Variants in CBFB observed in about 807,000 individuals in gnomAD.
The protein encoded by CBFB is core-binding factor subunit beta, also known as CBF-beta.
In CBFB, 9 loss-of-function variants were observed where a neutral mutation model predicts 30.4. The ratio of observed to expected loss-of-function variants is 0.30; its 90% CI spans 0.18 to 0.52. The LOEUF is 0.52. Among genes scored for constraint, CBFB ranks in the 20% least tolerant of loss-of-function variants. The pLI is 0.97. For missense variants in CBFB, 170 were observed against 244.0 expected (o/e 0.70, Z 2.02); for synonymous variants, 94 against 84.0 (o/e 1.12, Z -0.65).
intron 3 of CBFB, among the ~76,000 whole-genome samples, chr16:67,051,003 T>G (rs1278545252): frequency 6.6e-6 from 1 of 152,160 alleles, no homozygotes; most frequent in Non-Finnish European, 1.5e-5. Flanking sequence ...ATTTAAAACT[T>G]ATGAATTGTT....
chr16:67,096,783 G>A (rs979804346), intron 5 of CBFB, among the ~76,000 whole-genome samples: 3 of 151,356 alleles, frequency 2.0e-5, no homozygotes, highest in Non-Finnish European at 4.4e-5. Flanking sequence ...GACCATCCTG[G>A]CTAACACAAA....
chr16:67,096,520 G>T (rs1260683294), intron 5 of CBFB, among the ~76,000 whole-genome samples: 3 of 151,830 alleles, frequency 2.0e-5, no homozygotes, highest in South Asian at 2.1e-4. Flanking sequence ...ACCATAAGGG[G>T]TTTAAATAGG....
At chr16:67,043,470 T>C (rs527566083) in intron 3 of CBFB, among the ~76,000 whole-genome samples, 4 of 152,336 alleles carry the variant, frequency 2.6e-5, no homozygotes, top group African/African-American at 9.6e-5. Flanking sequence ...GTATATACCT[T>C]ACATATGACC....
At position 67,045,042 on chromosome 16, in the gene CBFB, A is replaced by G. The variant is rs558733420; in HGVS notation, c.282+8287A>G. 2.6e-5 allele frequency among the ~76,000 whole-genome samples: 4 copies of G among 152,326 alleles called. No individual in the cohort carries two copies. The South Asian group carries it at 8.3e-4, about 32-fold the overall frequency. ...TTTAAAAATATGCTTTAGATAAACT[A>G]TAATACTCTAATAATAACGGAATCA... On this transcript the variant is annotated intron_variant, in intron 3 of 5. Transcript: ENST00000412916.
intron 2 of CBFB, among the ~76,000 whole-genome samples, chr16:67,036,117 C>T (rs1038047357): frequency 6.6e-6 from 1 of 152,202 alleles, no homozygotes; most frequent in Non-Finnish European, 1.5e-5. Context: ...AGTACTGTCA[C>T]ATCCCATGCC....
At chr16:67,051,749 T>G (rs1017819377) in intron 3 of CBFB, among the ~76,000 whole-genome samples, 15 of 150,068 alleles carry the variant, frequency 1.0e-4, no homozygotes, top group African/African-American at 2.8e-4. Flanking sequence ...GGTGTTTTTT[T>G]TGTGTTTTTT....
At chr16:67,039,383 G>A (rs1042131937) in intron 3 of CBFB, among the ~76,000 whole-genome samples, 2 of 152,194 alleles carry the variant, frequency 1.3e-5, no homozygotes, top group African/African-American at 4.8e-5. Flanking sequence ...AGGACTGGAA[G>A]TTGCTCTGGG....
At chr16:67,047,423 C>T (rs1283940589) in intron 3 of CBFB, among the ~76,000 whole-genome samples, 1 of 152,176 alleles carries the variant, frequency 6.6e-6, no homozygotes, top group Non-Finnish European at 1.5e-5. Context: ...CCCATGTATG[C>T]AGTCAGTACT....
intron 4 of CBFB, among the ~76,000 whole-genome samples, chr16:67,068,889 G>A (rs144868020): frequency 3.9e-5 from 6 of 152,068 alleles, no homozygotes; most frequent in Admixed American, 6.6e-5. Context: ...TCAATAAAGG[G>A]ATCTAAATTA....
chr16:67,046,265 C>T (rs1966625766), intron 3 of CBFB, among the ~76,000 whole-genome samples: 1 of 151,472 alleles, frequency 6.6e-6, no homozygotes, highest in Non-Finnish European at 1.5e-5. Context: ...CGCCACCATG[C>T]CCAGGTAATT....
intron 4 of CBFB, among the ~76,000 whole-genome samples, chr16:67,076,888 T>A (rs1961414128): frequency 6.6e-6 from 1 of 152,206 alleles, no homozygotes; most frequent in South Asian, 2.1e-4. Context: ...AAATCCAGTG[T>A]GTACTGTCAT....
chr16:67,068,198 G>C (rs1597145771), intron 4 of CBFB, among the ~76,000 whole-genome samples: 1 of 152,180 alleles, frequency 6.6e-6, no homozygotes, highest in Non-Finnish European at 1.5e-5. Context: ...AAAAAAGACA[G>C]CTGTGCGCAG....
chr16:67,085,335 A>G (rs537518891), intron 5 of CBFB, among the ~76,000 whole-genome samples: 1 of 151,824 alleles, frequency 6.6e-6, no homozygotes, highest in Non-Finnish European at 1.5e-5. Context: ...ACGCCCGGCA[A>G]ATTTTTGTAT....
At chr16:67,078,745 GTTCAAGTGA>G (rs988208112) in intron 4 of CBFB, among the ~76,000 whole-genome samples, 6 of 152,144 alleles carry the variant, frequency 3.9e-5, no homozygotes, top group African/African-American at 1.4e-4. Flanking sequence ...GCCTTCAGGG[GTTCAAGTGA>G]TTCTTCTGCC....
chr16:67,066,303 T>C (rs1961050963), intron 3 of CBFB, among the ~76,000 whole-genome samples: 1 of 149,848 alleles, frequency 6.7e-6, no homozygotes, highest in Non-Finnish European at 1.5e-5. Flanking sequence ...ATCCTAGCAC[T>C]TTTGGAGGCA....
At chr16:67,029,568 C>A (rs1342047560) in intron 1 of CBFB, 83 bp downstream of exon 1, 1 of 1,404,238 alleles carries the variant, frequency 7.1e-7, no homozygotes, top group Non-Finnish European at 9.7e-7. Context: ...CGGCACGGTC[C>A]CCGGGAGTCC....
intron 3 of CBFB, among the ~76,000 whole-genome samples, chr16:67,059,654 G>A (rs1261146421): frequency 6.6e-6 from 1 of 152,112 alleles, no homozygotes; most frequent in Non-Finnish European, 1.5e-5. Context: ...GTTCCTTCAG[G>A]TTTCTTCACT....
At chr16:67,055,076 T>C (rs898042642) in intron 3 of CBFB, among the ~76,000 whole-genome samples, 5 of 152,082 alleles carry the variant, frequency 3.3e-5, no homozygotes, top group African/African-American at 1.2e-4. Flanking sequence ...TTTTACTGCT[T>C]TACATCACTT....
At chr16:67,074,674 C>T (rs903365307) in intron 4 of CBFB, among the ~76,000 whole-genome samples, 2 of 152,044 alleles carry the variant, frequency 1.3e-5, no homozygotes, top group African/African-American at 4.8e-5. Context: ...AGCCACTGTG[C>T]CCGGCCGAAA....
Sources: gnomAD v4.1 joint callset for allele counts (sites outside exome capture counted in the v4.1 genomes callset) on GRCh38, gnomAD v4.1.1 for gene constraint, MANE v1.5 for transcripts, NCBI Gene and HGNC (gene_info 2026-07-23, HGNC 2026-07-21) for gene names.